CFAP54: variants seen among roughly 807,000 people sequenced by gnomAD.
CFAP54 encodes the protein cilia- and flagella-associated protein 54.
CFAP54 carries 290 observed loss-of-function variants against 370.4 expected under a neutral mutation model. The ratio of observed to expected loss-of-function variants is 0.78; its 90% CI spans 0.71 to 0.86. The LOEUF is 0.86. Ranked by LOEUF, CFAP54 falls within the 40% of genes least tolerant of loss-of-function variation. The pLI, the probability that CFAP54 is intolerant of heterozygous loss-of-function variation, is 0.00. For missense variants in CFAP54, 3,399 were observed against 3,528.7 expected, an observed-to-expected ratio of 0.96 and a Z score of 0.93; for synonymous variants, 1,206 against 1,236.5, an observed-to-expected ratio of 0.98 and a Z score of 0.52.
At chr12:96,611,336 A>G (rs1347759547) in intron 26 of CFAP54, among the ~76,000 whole-genome samples, 1 of 152,106 alleles carries the variant, frequency 6.6e-6, no homozygotes, top group Non-Finnish European at 1.5e-5. Flanking sequence ...CCTGACTGTT[A>G]GAAGAAAAAC....
chr12:96,778,681 T>C (rs1476917726), intron 60 of CFAP54, among the ~76,000 whole-genome samples: 2 of 152,244 alleles, frequency 1.3e-5, no homozygotes, highest in Non-Finnish European at 2.9e-5. Flanking sequence ...TTTTCTTTCT[T>C]GTCTTGTGAT....
intron 26 of CFAP54, among the ~76,000 whole-genome samples, chr12:96,611,561 A>C (rs769009099): frequency 9.9e-5 from 15 of 152,234 alleles, no homozygotes; most frequent in Non-Finnish European, 1.8e-4. Context: ...AGTTGAGAGA[A>C]GAAGGCTTCA....
intron 23 of CFAP54, among the ~76,000 whole-genome samples, chr12:96,591,627 CGCCTG>C (rs1956125255): frequency 6.6e-6 from 1 of 152,072 alleles, no homozygotes; most frequent in South Asian, 2.1e-4. Context: ...CGGTGGCTCA[CGCCTG>C]TAATCCCAGC....
intron 38 of CFAP54, among the ~76,000 whole-genome samples, chr12:96,662,763 C>T (rs375771789): frequency 1.3e-5 from 2 of 152,002 alleles, no homozygotes; most frequent in African/African-American, 2.4e-5. Flanking sequence ...TTTGTATTTG[C>T]TGTTGCCCCT....
At chr12:96,737,867 T>A (rs140008209) in intron 50 of CFAP54, among the ~76,000 whole-genome samples, 167 of 152,254 alleles carry the variant, frequency 1.1e-3, no homozygotes, top group African/African-American at 3.8e-3. Context: ...TCTTATAGGA[T>A]CCATGGACAC....
intron 26 of CFAP54, among the ~76,000 whole-genome samples, chr12:96,604,208 C>T (rs1489709944): frequency 1.3e-5 from 2 of 152,178 alleles, no homozygotes; most frequent in African/African-American, 2.4e-5. Context: ...CTAATAGGCC[C>T]CTCAGCTGCA....
intron 22 of CFAP54, among the ~76,000 whole-genome samples, chr12:96,581,540 A>G (rs116129374): frequency 0.015 from 2,256 of 152,184 alleles, 66 homozygotes; most frequent in African/African-American, 0.051. Flanking sequence ...TAAACATCCT[A>G]CAATGTACCG....
At chr12:96,699,141 G>T (rs1957465720) in intron 45 of CFAP54, among the ~76,000 whole-genome samples, 1 of 152,124 alleles carries the variant, frequency 6.6e-6, no homozygotes, top group African/African-American at 2.4e-5. Context: ...ACCAATCAGA[G>T]GCTAGGGTGA....
intron 26 of CFAP54, among the ~76,000 whole-genome samples, chr12:96,599,087 C>A (rs1414934853): frequency 1.3e-5 from 2 of 152,062 alleles, no homozygotes; most frequent in African/African-American, 4.8e-5. Context: ...TATACATATG[C>A]CATGTTGGTT....
At position 96,685,061 on chromosome 12, in the gene CFAP54, A is replaced by C; in HGVS notation, c.5837A>C (p.Asp1946Ala). The C allele has an allele frequency of 6.2e-7, 1 of 1,614,054 alleles. No individual in the cohort carries two copies. ...AAFKCWCQAL[D>A]DIFRKPDVLH... ...TTTAAGTGTTGGTGTCAAGCTCTTG[A>C]TGACATATTCAGAAAACCAGACGTG... The change falls in exon 42 of 68, where the codon GAT becomes GCT. Residue 1946 changes from aspartate to alanine, a missense_variant. Around this residue, in one of 3 missense-constraint regions of CFAP54, gnomAD observed 2,796 missense variants for 2,869.7 expected, o/e 0.97. Transcript: ENST00000524981.
intron 55 of CFAP54, 147 bp from the exon 56 acceptor site, chr12:96,753,595 TA>T (rs1958215228): frequency 1.4e-6 from 1 of 721,694 alleles, no homozygotes; most frequent in Non-Finnish European, 2.2e-6. Flanking sequence ...TATATGTCTT[TA>T]AAACATTTCT....
intron 26 of CFAP54, among the ~76,000 whole-genome samples, chr12:96,600,750 ACT>A (rs1480862892): frequency 4.0e-5 from 6 of 151,606 alleles, no homozygotes; most frequent in Admixed American, 2.6e-4. Flanking sequence ...TCATGATTTG[ACT>A]CTCTGTTTGT....
At chr12:96,767,993 C>T (rs749007529) in intron 60 of CFAP54, among the ~76,000 whole-genome samples, 1 of 151,974 alleles carries the variant, frequency 6.6e-6, no homozygotes, top group Non-Finnish European at 1.5e-5. Flanking sequence ...TAGTCATGGG[C>T]AATCAGAACA....
chr12:96,670,233 T>C (rs970843412), intron 39 of CFAP54, among the ~76,000 whole-genome samples: 1 of 152,214 alleles, frequency 6.6e-6, no homozygotes, highest in Non-Finnish European at 1.5e-5. Flanking sequence ...TATGTACATA[T>C]ACCGTATGCT....
rs1489527071 is a variant in CFAP54, at chr12:96,659,768, A to G, written c.5460+1422A>G. 2.0e-5 allele frequency among the ~76,000 whole-genome samples: 3 copies of G among 152,204 alleles called. 1 individual carries two copies. The highest frequency in any genetic ancestry group is 4.1e-4 in the South Asian group (2 of 4,832). On this transcript the variant is annotated intron_variant, in intron 38 of 67. Transcript: ENST00000524981. Reference sequence around the variant, plus strand: ...AGTTGTACTGTGGGTGACCTGCCCAAGGGCCCCTGGCATACGTGGGGCCTG... The same window carrying G: ...AGTTGTACTGTGGGTGACCTGCCCAGGGGCCCCTGGCATACGTGGGGCCTG...
intron 1 of CFAP54, among the ~76,000 whole-genome samples, chr12:96,491,982 A>G (rs1954889909): frequency 6.6e-6 from 1 of 151,900 alleles, no homozygotes; most frequent in African/African-American, 2.4e-5. Flanking sequence ...CTGGTCTCAA[A>G]CTCCTGACCT....
chr12:96,536,003 A>C (rs1382180726), intron 12 of CFAP54, among the ~76,000 whole-genome samples: 1 of 152,250 alleles, frequency 6.6e-6, no homozygotes, highest in Non-Finnish European at 1.5e-5. Context: ...TAAAACTATT[A>C]TAATATAGCA....
chr12:96,667,970 C>A (rs1957100439), intron 39 of CFAP54, among the ~76,000 whole-genome samples: 1 of 152,194 alleles, frequency 6.6e-6, no homozygotes, highest in African/African-American at 2.4e-5. Context: ...CAAAATGCTG[C>A]CAGTCTCTTT....
rs374131929 is a variant in CFAP54, at chr12:96,647,956, T to C, written c.4629T>C (p.Asn1543=). 2.1e-3 allele frequency: 3,173 copies of C among 1,524,044 alleles called. 39 individuals are homozygous for C. Among genetic ancestry groups the C allele is most frequent in the South Asian group, 0.02 (1,633 of 80,632 alleles). 94.4% of individuals were successfully genotyped at this position (1,524,044 alleles called of 1,614,324 possible). The change falls in exon 34 of 68, where the codon AAT becomes AAC. Residue 1543 remains asparagine (N), a synonymous_variant. Transcript: ENST00000524981. The part of the protein sequence containing the change: ...VLPTRKLTVE[N]YKAMLDFLLT... Reference sequence around the variant, plus strand: ...CAACAAGAAAATTGACTGTAGAAAATTATAAAGCAATGCTTGATTTCCTTC... The same window carrying C: ...CAACAAGAAAATTGACTGTAGAAAACTATAAAGCAATGCTTGATTTCCTTC...
Sources: gnomAD v4.1 joint callset for allele counts (sites outside exome capture counted in the v4.1 genomes callset) on GRCh38, gnomAD v4.1.1 for gene constraint, gnomAD v4.1.1 regional missense constraint, MANE v1.5 for transcripts, NCBI Gene and HGNC (gene_info 2026-07-23, HGNC 2026-07-21) for gene names.